Variants in DCX observed in about 807,000 individuals in gnomAD.
DCX encodes the protein doublecortin, also known as neuronal migration protein doublecortin.
DCX carries 4 observed loss-of-function variants against 20.9 expected under a neutral mutation model. The ratio of observed to expected loss-of-function variants is 0.19; its 90% CI spans 0.09 to 0.44. The LOEUF (loss-of-function observed/expected upper bound fraction) is 0.44. Among genes scored for constraint, DCX ranks in the 20% least tolerant of loss-of-function variants. The pLI, the probability that DCX is intolerant of heterozygous loss-of-function variation, is 0.99. For synonymous variants in DCX, 103 were observed against 111.4 expected, an observed-to-expected ratio of 0.92 and a Z score of 0.47; for missense variants, 133 against 296.9, an observed-to-expected ratio of 0.45 and a Z score of 4.06.
intron 6 of DCX, among the ~76,000 whole-genome samples, chrX:111,309,244 C>A (rs1420393694): frequency 2.7e-5 from 3 of 112,411 alleles, no homozygotes; most frequent in African/African-American, 9.7e-5. Context: ...AGGGCCCCAC[C>A]ACAGCCATCA....
chrX:111,379,250 A>G (rs954136910), intron 3 of DCX, among the ~76,000 whole-genome samples: 3 of 111,705 alleles, frequency 2.7e-5, no homozygotes, highest in Non-Finnish European at 3.8e-5. Flanking sequence ...CCCATTTAAA[A>G]TGTACAATTA....
At chrX:111,322,550 C>G (rs1429824180) in intron 5 of DCX, among the ~76,000 whole-genome samples, 1 of 112,469 alleles carries the variant, frequency 8.9e-6, no homozygotes, top group African/African-American at 3.2e-5. Context: ...GGGAATTTTC[C>G]TGGAAGGCCA....
At chrX:111,311,361 G>T (rs779419675) in intron 6 of DCX, among the ~76,000 whole-genome samples, 1 of 112,087 alleles carries the variant, frequency 8.9e-6, no homozygotes, top group Non-Finnish European at 1.9e-5. Flanking sequence ...AGCCAGATTA[G>T]CCAGGAAATT....
intron 2 of DCX, among the ~76,000 whole-genome samples, chrX:111,407,765 C>A (rs1485339881): frequency 9.4e-6 from 1 of 106,834 alleles, no homozygotes; most frequent in Non-Finnish European, 1.9e-5. Context: ...CTATGTTGAA[C>A]AGAGATTATC....
In DCX at chrX:111,330,897, C is replaced by T. The variant is rs767487706; in HGVS notation, c.946+7G>A. 1.2e-5 allele frequency: 15 copies of T among 1,209,987 alleles called. No homozygotes were observed. In the East Asian group the frequency reaches 3.9e-4, roughly 31 times the overall value. On this transcript the variant is annotated splice_region_variant and intron_variant, in intron 5 of 6. Coordinates refer to ENST00000636035, the MANE Select transcript of DCX (RefSeq NM_001195553.2). Reference sequence around the variant, plus strand: ...TCAGCGTGCACAGTTAGGAAAAGAGCACTCACCGTCTTGGTCGTTACCTGA... The same window carrying T: ...TCAGCGTGCACAGTTAGGAAAAGAGTACTCACCGTCTTGGTCGTTACCTGA...
At chrX:111,409,015 G>C (rs1928482307) in intron 2 of DCX, among the ~76,000 whole-genome samples, 1 of 111,602 alleles carries the variant, frequency 9.0e-6, no homozygotes, top group Non-Finnish European at 1.9e-5. Context: ...GGGAATGAAA[G>C]GAGTGAGGAG....
chrX:111,393,539 G>T (rs1048376945), intron 3 of DCX, among the ~76,000 whole-genome samples: 1 of 111,545 alleles, frequency 9.0e-6, no homozygotes, highest in Non-Finnish European at 1.9e-5. Context: ...TTAAGAAAAT[G>T]AAGACATGCT....
chrX:111,357,886 G>C (rs757208385), intron 3 of DCX, among the ~76,000 whole-genome samples: 1 of 111,252 alleles, frequency 9.0e-6, no homozygotes, highest in African/African-American at 3.3e-5. Context: ...GGAGTGCAGT[G>C]ATGTGATCTT....
intron 5 of DCX, among the ~76,000 whole-genome samples, chrX:111,325,280 C>T (rs181230048): frequency 8.1e-5 from 9 of 111,294 alleles, no homozygotes; most frequent in Admixed American, 1.9e-4. Context: ...GACCATCCAA[C>T]GTAGACCTTT....
chrX:111,328,727 C>T (rs762617458), intron 5 of DCX, among the ~76,000 whole-genome samples: 17 of 111,242 alleles, frequency 1.5e-4, no homozygotes, highest in Non-Finnish European at 3.0e-4. Context: ...AAAGGCAATA[C>T]ATCTTGTTCT....
At chrX:111,397,171 C>T (rs2147257006) in intron 3 of DCX, among the ~76,000 whole-genome samples, 1 of 111,645 alleles carries the variant, frequency 9.0e-6, no homozygotes, top group African/African-American at 3.3e-5. Context: ...ACCAACTGGG[C>T]TCTTTTAGCT....
At chrX:111,356,430 C>T (rs1168244137) in intron 3 of DCX, among the ~76,000 whole-genome samples, 2 of 112,696 alleles carry the variant, frequency 1.8e-5, no homozygotes, top group Non-Finnish European at 3.8e-5. Context: ...CCTGGGGATG[C>T]AGAGAATACA....
intron 3 of DCX, among the ~76,000 whole-genome samples, chrX:111,347,195 A>C (rs778168683): frequency 5.9e-4 from 66 of 112,379 alleles, no homozygotes; most frequent in African/African-American, 2.1e-3. Flanking sequence ...AGGATATTGC[A>C]ATATAATAAG....
chrX:111,365,220 T>C (rs1051703955), intron 3 of DCX, among the ~76,000 whole-genome samples: 6 of 110,093 alleles, frequency 5.4e-5, no homozygotes, highest in African/African-American at 2.0e-4. Context: ...ATGCCAGGCA[T>C]AGTCTTATTT....
intron 3 of DCX, among the ~76,000 whole-genome samples, chrX:111,362,944 G>C (rs1924326567): frequency 8.9e-6 from 1 of 111,944 alleles, no homozygotes; most frequent in Non-Finnish European, 1.9e-5. Context: ...AAAAAAAATA[G>C]ATTTGGCTCC....
chrX:111,350,204 C>T (rs1221335771), intron 3 of DCX, among the ~76,000 whole-genome samples: 2 of 111,012 alleles, frequency 1.8e-5, no homozygotes, highest in Non-Finnish European at 3.8e-5. Flanking sequence ...TAAGAGTCAG[C>T]TTCCCAGGAC....
chrX:111,350,355 C>CAAT (rs1418323909), intron 3 of DCX, among the ~76,000 whole-genome samples: 1 of 111,684 alleles, frequency 9.0e-6, no homozygotes, highest in Non-Finnish European at 1.9e-5. Context: ...AGTGATTAAG[C>CAAT]AATAATAATA....
At chrX:111,354,415 A>G (rs1294708801) in intron 3 of DCX, among the ~76,000 whole-genome samples, 1 of 112,213 alleles carries the variant, frequency 8.9e-6, no homozygotes, top group Non-Finnish European at 1.9e-5. Context: ...AAGCTCAGTC[A>G]AAAGTAAAAC....
intron 5 of DCX, among the ~76,000 whole-genome samples, chrX:111,314,504 AATAGAG>A (rs1180259422): frequency 1.8e-5 from 2 of 111,664 alleles, no homozygotes; most frequent in African/African-American, 6.5e-5. Flanking sequence ...TAGGCAAATC[AATAGAG>A]ACAGAAAGTA....
Sources: allele counts gnomAD v4.1 joint callset (sites outside exome capture counted in the v4.1 genomes callset), GRCh38; gene constraint gnomAD v4.1.1; transcripts MANE v1.5; gene names NCBI Gene and HGNC (gene_info 2026-07-23, HGNC 2026-07-21).